The following SGCZ variants were observed in gnomAD, a reference collection of about 807,000 sequenced individuals.
SGCZ encodes the protein zeta-sarcoglycan.
A neutral mutation model predicts 41.3 loss-of-function variants in SGCZ; 40 were observed. The observed-to-expected ratio is 0.97, with a 90% CI of 0.75 to 1.26. SGCZ has a LOEUF of 1.26. Ranked by LOEUF, SGCZ falls within the 50% of genes most tolerant of loss-of-function variation. The pLI is 0.00. For synonymous variants in SGCZ, 206 were observed against 137.5 expected (o/e 1.50, Z -3.49); for missense variants, 552 against 369.8 (o/e 1.49, Z -4.04).
At chr8:14,434,015 T>C (rs1800018143) in intron 2 of SGCZ, among the ~76,000 whole-genome samples, 1 of 152,228 alleles carries the variant, frequency 6.6e-6, no homozygotes, top group South Asian at 2.1e-4. Context: ...CATTTGATTT[T>C]GGGTTCTTGG....
chr8:14,581,190 C>A (rs931613007), intron 1 of SGCZ, among the ~76,000 whole-genome samples: 1 of 152,056 alleles, frequency 6.6e-6, no homozygotes, highest in East Asian at 1.9e-4. Context: ...TCACTTGCAA[C>A]CTCTGTCTCC....
At chr8:14,183,491 C>A (rs1804798207) in intron 4 of SGCZ, among the ~76,000 whole-genome samples, 1 of 152,106 alleles carries the variant, frequency 6.6e-6, no homozygotes, top group Non-Finnish European at 1.5e-5. Flanking sequence ...AAATAAAAAT[C>A]CTATGCACAG....
chr8:14,292,635 G>A (rs947842084), intron 3 of SGCZ, among the ~76,000 whole-genome samples: 30 of 151,930 alleles, frequency 2.0e-4, no homozygotes, highest in South Asian at 6.2e-4. Context: ...GTAATGTAGC[G>A]CATGTTGCTG....
At chr8:14,560,879 A>C (rs950081101) in intron 1 of SGCZ, among the ~76,000 whole-genome samples, 2 of 151,698 alleles carry the variant, frequency 1.3e-5, no homozygotes, top group African/African-American at 4.8e-5. Context: ...CACAAAAAAA[A>C]GTTATGAAAT....
intron 1 of SGCZ, among the ~76,000 whole-genome samples, chr8:14,623,166 C>A (rs1806340371): frequency 6.6e-6 from 1 of 152,056 alleles, no homozygotes; most frequent in Non-Finnish European, 1.5e-5. Context: ...ACATATACAT[C>A]GGAAGGCATA....
At chr8:15,228,975 C>T (rs1356721980) in intron 1 of SGCZ, among the ~76,000 whole-genome samples, 1 of 152,248 alleles carries the variant, frequency 6.6e-6, no homozygotes, top group East Asian at 1.9e-4. Flanking sequence ...GGGTGGATCA[C>T]CTGAGGTCAG....
intron 2 of SGCZ, among the ~76,000 whole-genome samples, chr8:14,514,215 T>C (rs1226391746): frequency 6.6e-6 from 1 of 151,746 alleles, no homozygotes; most frequent in Non-Finnish European, 1.5e-5. Context: ...GCACTGCCAT[T>C]AGAAATGCAT....
At chr8:14,549,282 C>T (rs1411953051) in intron 2 of SGCZ, among the ~76,000 whole-genome samples, 3 of 152,032 alleles carry the variant, frequency 2.0e-5, no homozygotes, top group Admixed American at 6.6e-5. Context: ...TACCAAAGTG[C>T]TTTCGGATTC....
intron 4 of SGCZ, among the ~76,000 whole-genome samples, chr8:14,225,625 C>T (rs549488861): frequency 2.0e-5 from 3 of 152,158 alleles, no homozygotes; most frequent in African/African-American, 7.2e-5. Context: ...GTGTTATCCA[C>T]ATATATGTGA....
intron 1 of SGCZ, among the ~76,000 whole-genome samples, chr8:14,573,666 C>T (rs1804627286): frequency 6.6e-6 from 1 of 152,012 alleles, no homozygotes; most frequent in Admixed American, 6.6e-5. Context: ...GAGACTGGTT[C>T]CCAATTTCCA....
At chr8:14,903,233 A>C (rs759875938) in intron 1 of SGCZ, among the ~76,000 whole-genome samples, 1 of 152,190 alleles carries the variant, frequency 6.6e-6, no homozygotes, top group Non-Finnish European at 1.5e-5. Flanking sequence ...GTTTTTAAAC[A>C]TTCTCATGAC....
chr8:14,095,905 G>A (rs1801830370), intron 7 of SGCZ, among the ~76,000 whole-genome samples: 1 of 152,056 alleles, frequency 6.6e-6, no homozygotes, highest in Non-Finnish European at 1.5e-5. Context: ...CTCCCTGTTT[G>A]TCTGTTATTG....
At chr8:15,041,218 A>G (rs532167041) in intron 1 of SGCZ, among the ~76,000 whole-genome samples, 91 of 152,000 alleles carry the variant, frequency 6.0e-4, no homozygotes, top group African/African-American at 2.0e-3. Context: ...GCGCCATAAG[A>G]AAATATTTCT....
intron 2 of SGCZ, among the ~76,000 whole-genome samples, chr8:14,374,912 T>C (rs998754308): frequency 1.3e-5 from 2 of 152,076 alleles, no homozygotes; most frequent in African/African-American, 2.4e-5. Context: ...GAGAGGGAGA[T>C]AGCAGCAAAG....
intron 2 of SGCZ, among the ~76,000 whole-genome samples, chr8:14,451,185 C>T (rs1475229327): frequency 2.0e-5 from 3 of 152,100 alleles, no homozygotes; most frequent in Non-Finnish European, 2.9e-5. Context: ...TTCTGCTAAC[C>T]GTAAACCATT....
At chr8:15,039,010 A>G (rs1353438059) in intron 1 of SGCZ, among the ~76,000 whole-genome samples, 1 of 152,128 alleles carries the variant, frequency 6.6e-6, no homozygotes, top group Admixed American at 6.6e-5. Context: ...AGAAAAAGAA[A>G]TATTTGTACA....
intron 1 of SGCZ, among the ~76,000 whole-genome samples, chr8:15,215,918 G>A (rs1406534681): frequency 6.6e-6 from 1 of 152,116 alleles, no homozygotes. Context: ...ATCAACTTCT[G>A]GAATGCATTT....
chr8:14,707,798 C>T (rs1250704765), intron 1 of SGCZ, among the ~76,000 whole-genome samples: 1 of 152,128 alleles, frequency 6.6e-6, no homozygotes, highest in East Asian at 1.9e-4. Context: ...GTCATTTTAC[C>T]TGTGGCAAAA....
At chr8:15,038,029 A>G (rs1384724558) in intron 1 of SGCZ, among the ~76,000 whole-genome samples, 1 of 152,156 alleles carries the variant, frequency 6.6e-6, no homozygotes, top group Non-Finnish European at 1.5e-5. Flanking sequence ...GTCCATACTA[A>G]CGGAAGCAAT....
Sources: allele counts gnomAD v4.1 joint callset (sites outside exome capture counted in the v4.1 genomes callset), GRCh38; gene constraint gnomAD v4.1.1; transcripts MANE v1.5; gene names NCBI Gene and HGNC (gene_info 2026-07-23, HGNC 2026-07-21).